Variants in GLP2R observed in about 807,000 individuals in gnomAD.
GLP2R encodes the protein glucagon-like peptide 2 receptor.
A neutral mutation model predicts 68.2 loss-of-function variants in GLP2R; 59 were observed. The ratio of observed to expected loss-of-function variants is 0.87; its 90% CI spans 0.70 to 1.07. The LOEUF (loss-of-function observed/expected upper bound fraction) is 1.07, where lower values mean the gene tolerates loss of function less well. Among genes scored for constraint, GLP2R ranks in the 50% least tolerant of loss-of-function variants. The probability of loss-of-function intolerance (pLI) is 0.00; values close to 1 mark genes in which losing one functional copy is unlikely to be tolerated. For synonymous variants in GLP2R, 270 were observed against 265.4 expected (o/e 1.02, Z -0.17); for missense variants, 548 against 677.4 (o/e 0.81, Z 2.12).
At chr17:9,868,373 C>A (rs1182093715) in intron 9 of GLP2R, among the ~76,000 whole-genome samples, 1 of 152,134 alleles carries the variant, frequency 6.6e-6, no homozygotes. Flanking sequence ...ATCACCTCTG[C>A]CAACTTGTAG....
intron 1 of GLP2R, among the ~76,000 whole-genome samples, chr17:9,831,068 C>A (rs1446703308): frequency 3.9e-5 from 6 of 152,206 alleles, no homozygotes; most frequent in Non-Finnish European, 4.4e-5. Context: ...CTAGTGATGA[C>A]CACACTAGCT....
At chr17:9,826,317 AT>A in intron 1 of GLP2R, 65 bp downstream of exon 1, 1 of 1,188,710 alleles carries the variant, frequency 8.4e-7, no homozygotes, top group Non-Finnish European at 1.1e-6. Context: ...TAAAGAAGCA[AT>A]TTAGGCCTCA....
intron 12 of GLP2R, among the ~76,000 whole-genome samples, chr17:9,889,095 C>G (rs2067267586): frequency 6.6e-6 from 1 of 152,214 alleles, no homozygotes; most frequent in South Asian, 2.1e-4. Flanking sequence ...CCTCACCTAT[C>G]AAGCAGGTTT....
At chr17:9,864,774 C>T (rs1404165082) in intron 9 of GLP2R, among the ~76,000 whole-genome samples, 12 of 152,116 alleles carry the variant, frequency 7.9e-5, no homozygotes, top group Non-Finnish European at 1.2e-4. Flanking sequence ...CTACCCACCT[C>T]GGCCTCCCAG....
chr17:9,867,330 G>T lies in GLP2R; in HGVS notation c.1057-3417G>T, dbSNP rs146270661. 3.1e-3 allele frequency among the ~76,000 whole-genome samples: 469 copies of T among 152,354 alleles called. 1 individual carries two copies. The highest frequency in any genetic ancestry group is 0.014 in the Middle Eastern group (4 of 294). ...TCTGCATTTGCTGACCAGCATCTGG[G>T]TTGATGCGAGTGTACAACATGCTGG... On this transcript the variant is annotated intron_variant, in intron 9 of 12. Transcript: ENST00000262441.
At chr17:9,873,528 G>A (rs931493445) in intron 10 of GLP2R, among the ~76,000 whole-genome samples, 1 of 141,942 alleles carries the variant, frequency 7.0e-6, no homozygotes, top group Admixed American at 7.1e-5. Flanking sequence ...TATCCGTTGT[G>A]GTGGATATCA....
intron 3 of GLP2R, among the ~76,000 whole-genome samples, chr17:9,838,154 T>C (rs1201289054): frequency 6.6e-6 from 1 of 152,194 alleles, no homozygotes; most frequent in Non-Finnish European, 1.5e-5. Context: ...ACAGTACCCC[T>C]GGGAGCAGCT....
rs2067184640 is a variant in GLP2R at position 9,880,407 on chromosome 17, C to T, written c.1175C>T (p.Pro392Leu). Reference sequence around the variant, plus strand: ...GCAAAATCAACACTGGTCCTCATTCCTTTATTGGGCGTTCATGAGATCCTC... The same window carrying T: ...GCAAAATCAACACTGGTCCTCATTCTTTTATTGGGCGTTCATGAGATCCTC... ...RLAKSTLVLI[P>L]LLGVHEILFS... Residue 392 changes from proline (P) to leucine (L), a missense_variant, in exon 11 of 13, where the codon CCT (proline) becomes CTT (leucine). By Grantham distance (98) the Pro-to-Leu change is moderately conservative (BLOSUM62 -3). Transcript: ENST00000262441. 6.2e-6 allele frequency: 10 copies of T among 1,602,110 alleles called. No individual in the cohort carries two copies. Among genetic ancestry groups the T allele is most frequent in the Non-Finnish European group, 8.5e-6 (10 of 1,171,482 alleles).
Position 9,843,195 on chromosome 17 carries a change from A to G in GLP2R, c.504+579A>G, listed in dbSNP as rs1454511913. 2.0e-5 allele frequency among the ~76,000 whole-genome samples: 3 copies of G among 152,208 alleles called. No individual in the cohort carries two copies. In the South Asian group the frequency reaches 6.2e-4, roughly 31 times the overall value. ...ACAGGGTCTAGGGTCAGGCAGCCCT[A>G]TTTCCATTCCAAATAGTAAGAATGT... is the stretch of plus-strand genomic sequence containing the variant. On this transcript the variant is annotated intron_variant, in intron 4 of 12. Coordinates refer to ENST00000262441, the MANE Select transcript of GLP2R (RefSeq NM_004246.3).
intron 9 of GLP2R, among the ~76,000 whole-genome samples, chr17:9,868,052 A>T (rs1275982637): frequency 2.0e-5 from 3 of 152,096 alleles, no homozygotes; most frequent in Admixed American, 2.0e-4. Flanking sequence ...GCTACACCCC[A>T]TCTTCTGCTT....
intron 10 of GLP2R, among the ~76,000 whole-genome samples, chr17:9,879,291 TAAATA>T (rs1555574075): frequency 0.12 from 3,230 of 26,598 alleles, 82 homozygotes; most frequent in Middle Eastern, 0.14. Context: ...TAAAATAAAA[TAAATA>T]AAATAAAATA....
chr17:9,852,520 C>G (rs113454044), intron 4 of GLP2R, among the ~76,000 whole-genome samples: 3 of 152,000 alleles, frequency 2.0e-5, no homozygotes, highest in Non-Finnish European at 4.4e-5. Flanking sequence ...GGCCTAACTG[C>G]CATCTTAAGA....
chr17:9,873,759 A>G (rs558984441), intron 10 of GLP2R, among the ~76,000 whole-genome samples: 1 of 152,198 alleles, frequency 6.6e-6, no homozygotes, highest in South Asian at 2.1e-4. Context: ...TTGAAAGAAC[A>G]CATGCTAATG....
At chr17:9,830,878 C>T (rs1044953841) in intron 1 of GLP2R, among the ~76,000 whole-genome samples, 6 of 152,186 alleles carry the variant, frequency 3.9e-5, no homozygotes, top group African/African-American at 9.7e-5. Flanking sequence ...TGGTGGCATC[C>T]GATCTGATCC....
At chr17:9,887,685 C>G (rs1483947186) in intron 11 of GLP2R, among the ~76,000 whole-genome samples, 4 of 152,196 alleles carry the variant, frequency 2.6e-5, no homozygotes, top group Non-Finnish European at 5.9e-5. Context: ...ACAATCTAAG[C>G]AAACACCTAG....
At chr17:9,873,552 T>C (rs1329568505) in intron 10 of GLP2R, among the ~76,000 whole-genome samples, 2 of 126,848 alleles carry the variant, frequency 1.6e-5, no homozygotes, top group Non-Finnish European at 3.2e-5. Context: ...AAACTATGCA[T>C]GGACTTTTTT....
intron 4 of GLP2R, among the ~76,000 whole-genome samples, chr17:9,845,120 G>T (rs117040355): frequency 6.7e-5 from 10 of 150,288 alleles, no homozygotes; most frequent in African/African-American, 2.5e-4. Context: ...GTGCAGTGAC[G>T]CGATCATGGC....
chr17:9,858,489 C>T lies in GLP2R; in HGVS notation c.765+913C>T, dbSNP rs569394003. Among the ~76,000 whole-genome samples the T allele has an allele frequency of 1.1e-3, 168 of 152,282 alleles. 3 individuals are homozygous for T. The highest frequency in any genetic ancestry group is 3.4e-3 in the Middle Eastern group (1 of 294). Reference sequence around the variant, plus strand: ...AGGTTGGGGATCAAATTTGTGCTAGCCTCGTAAAACAAATTAGAGCTGGTT... The same window carrying T: ...AGGTTGGGGATCAAATTTGTGCTAGTCTCGTAAAACAAATTAGAGCTGGTT... On this transcript the variant is annotated intron_variant, in intron 6 of 12. Coordinates refer to ENST00000262441, the MANE Select transcript of GLP2R (RefSeq NM_004246.3).
rs1444179153 is a variant in GLP2R at position 9,891,936 on chromosome 17, T to A, written c.*2231T>A. ...AGCACAGAAATGGCTCTCGGGAGCC[T>A]CGGATGCTGCTGGGAGTAAGTGATC... is the stretch of plus-strand genomic sequence containing the variant. On this transcript the variant is annotated 3_prime_UTR_variant, in exon 13 of 13. Transcript: ENST00000262441. 1 of 152,114 alleles carries A rather than the reference T, an allele frequency of 6.6e-6. No individual in the cohort carries two copies. Among genetic ancestry groups the A allele is most frequent in the African/African-American group, 2.4e-5 (1 of 41,412 alleles). The allele number at this position is 152,114 out of a possible 1,614,324, so 9.4% of individuals were successfully genotyped here.
Sources: allele counts gnomAD v4.1 joint callset (sites outside exome capture counted in the v4.1 genomes callset), GRCh38; gene constraint gnomAD v4.1.1; transcripts MANE v1.5; gene names NCBI Gene and HGNC (gene_info 2026-07-23, HGNC 2026-07-21).